Variants in FAM171A1 observed in about 807,000 individuals in gnomAD.
FAM171A1 encodes family with sequence similarity 171 member A1.
In FAM171A1, 23 loss-of-function variants were observed where a neutral mutation model predicts 74.9. The observed-to-expected ratio is 0.31, with a 90% CI of 0.22 to 0.44. The LOEUF is 0.44. Ranked by LOEUF, FAM171A1 falls within the 20% of genes least tolerant of loss-of-function variation. The probability of loss-of-function intolerance (pLI) is 1.00; values close to 1 mark genes in which losing one functional copy is unlikely to be tolerated. For missense variants in FAM171A1, 1,162 were observed against 1,159.2 expected (o/e 1.00, Z -0.03); for synonymous variants, 527 against 505.7 (o/e 1.04, Z -0.57).
chr10:15,274,670 A>C (rs891347180), intron 3 of FAM171A1, among the ~76,000 whole-genome samples: 2 of 152,216 alleles, frequency 1.3e-5, no homozygotes, highest in Non-Finnish European at 1.5e-5. Context: ...ACAGCATGGT[A>C]CTGGTACCAA....
chr10:15,216,025 A>C lies in FAM171A1; in HGVS notation c.957T>G (p.Val319=). The change falls in exon 7 of 8, where the codon GTT becomes GTG. Residue 319 remains valine, a synonymous_variant. Transcript: ENST00000378116. ...ILGGMAFILL[V]LLCLLLYYCR... ...AATAATATAAAAGGAGACACAGCAA[A>C]ACCAAAAGTATGAAAGCCATTCCTC... is the stretch of plus-strand genomic sequence containing the variant. 1 of 1,609,794 alleles carries C rather than the reference A, an allele frequency of 6.2e-7. No individual in the cohort carries two copies.
At chr10:15,358,306 T>C (rs1835956357) in intron 1 of FAM171A1, among the ~76,000 whole-genome samples, 2 of 152,200 alleles carry the variant, frequency 1.3e-5, no homozygotes, top group African/African-American at 4.8e-5. Context: ...AGAAAAATAT[T>C]AAACTTTTAC....
intron 2 of FAM171A1, among the ~76,000 whole-genome samples, chr10:15,277,937 G>A (rs1239132728): frequency 6.6e-6 from 1 of 152,114 alleles, no homozygotes; most frequent in Non-Finnish European, 1.5e-5. Context: ...TGTATTTTTA[G>A]TAGTGATGGG....
At chr10:15,305,162 C>T (rs1050762402) in intron 1 of FAM171A1, among the ~76,000 whole-genome samples, 1 of 152,168 alleles carries the variant, frequency 6.6e-6, no homozygotes, top group African/African-American at 2.4e-5. Flanking sequence ...GAAGATACGC[C>T]ATGAACAAGG....
chr10:15,328,602 G>A (rs151244519), intron 1 of FAM171A1, among the ~76,000 whole-genome samples: 39 of 152,304 alleles, frequency 2.6e-4, no homozygotes, highest in African/African-American at 8.7e-4. Context: ...GCTCAAGCTC[G>A]GGTTTTCCTG....
At chr10:15,337,214 T>C (rs56289472) in intron 1 of FAM171A1, among the ~76,000 whole-genome samples, 3,536 of 152,226 alleles carry the variant, frequency 0.023, 57 homozygotes, top group Non-Finnish European at 0.035. Flanking sequence ...TTCAGGTCTG[T>C]GTTTCAAAGA....
chr10:15,335,981 C>T (rs529307775), intron 1 of FAM171A1, among the ~76,000 whole-genome samples: 1 of 152,104 alleles, frequency 6.6e-6, no homozygotes, highest in Admixed American at 6.5e-5. Context: ...TTCTTTTAAT[C>T]CCTGCAAGTG....
At chr10:15,338,999 G>A (rs796191237) in intron 1 of FAM171A1, among the ~76,000 whole-genome samples, 9 of 152,246 alleles carry the variant, frequency 5.9e-5, no homozygotes, top group Admixed American at 1.3e-4. Flanking sequence ...TTGGCCTCCC[G>A]AAGTGTTGGG....
In FAM171A1 at chr10:15,340,030, C is replaced by T. The variant is rs145998723; in HGVS notation, c.97+30926G>A. Reference sequence around the variant, plus strand: ...ATCATTCAATTATCTCCCACTGGGTCCCTCCCACAACATGTGGGAATTATG... The same window carrying T: ...ATCATTCAATTATCTCCCACTGGGTTCCTCCCACAACATGTGGGAATTATG... On this transcript the variant is annotated intron_variant, in intron 1 of 7. Coordinates refer to ENST00000378116, the MANE Select transcript of FAM171A1 (RefSeq NM_001010924.2). 3.9e-5 allele frequency among the ~76,000 whole-genome samples: 6 copies of T among 152,274 alleles called. No individual in the cohort carries two copies. The East Asian group carries it at 7.7e-4, about 20-fold the overall frequency.
In FAM171A1 at chr10:15,271,685, C is replaced by T. The variant is rs138918651; in HGVS notation, c.418+4170G>A. ...CCCATCAGACTAACAGCAGGTCTCT[C>T]GGCAGAAACTTTACAAGCCAGAAGA... On this transcript the variant is annotated intron_variant, in intron 3 of 7. Coordinates refer to ENST00000378116, the MANE Select transcript of FAM171A1 (RefSeq NM_001010924.2). Among the ~76,000 whole-genome samples the T allele has an allele frequency of 4.2e-3, 632 of 152,212 alleles. 30 individuals carry two copies. The East Asian group carries it at 0.11, about 26-fold the overall frequency.
At position 15,214,385 on chromosome 10, in the gene FAM171A1, C is replaced by A; in HGVS notation, c.1203G>T (p.Met401Ile). 1 of 1,613,692 alleles carries A rather than the reference C, an allele frequency of 6.2e-7. No homozygotes were observed. Among genetic ancestry groups the A allele is most frequent in the Non-Finnish European group, 8.5e-7 (1 of 1,179,772 alleles). ...GGTCCCCTTCGCCGCCCGGAGACAT[C>A]ATTTCCAAATGGACTCCACTCATCA... ...KELMSGVHLEMMSPGGEGDLH... is the reference protein window; with the variant it reads ...KELMSGVHLEIMSPGGEGDLH... Residue 401 changes from methionine (M) to isoleucine (I), a missense_variant, in exon 8 of 8, where the codon ATG (methionine) becomes ATT (isoleucine). Met to Ile is a conservative substitution (Grantham distance 10). Transcript: ENST00000378116.
At chr10:15,265,495 G>C (rs1183988006) in intron 3 of FAM171A1, among the ~76,000 whole-genome samples, 1 of 136,952 alleles carries the variant, frequency 7.3e-6, no homozygotes, top group Non-Finnish European at 1.5e-5. Context: ...CATGCCTATA[G>C]TCCCAACTAC....
chr10:15,295,791 C>T (rs780471859), intron 1 of FAM171A1, among the ~76,000 whole-genome samples: 3 of 152,244 alleles, frequency 2.0e-5, no homozygotes, highest in Non-Finnish European at 2.9e-5. Flanking sequence ...CCCAGCACTC[C>T]TGTGGCTGCC....
At chr10:15,345,924 C>T (rs1048224707) in intron 1 of FAM171A1, among the ~76,000 whole-genome samples, 2 of 152,086 alleles carry the variant, frequency 1.3e-5, no homozygotes, top group Non-Finnish European at 2.9e-5. Flanking sequence ...CAGAAATGTC[C>T]GCTGGATCTG....
chr10:15,351,449 T>G (rs1344957753), intron 1 of FAM171A1, among the ~76,000 whole-genome samples: 1 of 152,130 alleles, frequency 6.6e-6, no homozygotes, highest in African/African-American at 2.4e-5. Flanking sequence ...CCTGAATACC[T>G]CTCAGGATGA....
intron 1 of FAM171A1, among the ~76,000 whole-genome samples, chr10:15,370,613 C>A (rs536070427): frequency 2.2e-3 from 328 of 152,070 alleles, no homozygotes; most frequent in Non-Finnish European, 3.6e-3. Context: ...ACATGGGAGA[C>A]AGAGCCGCGT....
rs751306255 is a variant in FAM171A1, at chr10:15,214,132, T to C, written c.1456A>G (p.Arg486Gly). ...GAGAGCACGGTGTTGTAACTACCCC[T>C]GTAGTCATCATTGCCCGAGGACTCG... ...GYESSGNDDY[R>G]GSYNTVLSQP... is the part of the protein sequence containing the mutation. The change falls in exon 8 of 8, where the codon AGG becomes GGG. Residue 486 changes from arginine (R) to glycine (G), a missense_variant. Coordinates refer to ENST00000378116, the MANE Select transcript of FAM171A1 (RefSeq NM_001010924.2). 2.5e-6 allele frequency: 4 copies of C among 1,614,200 alleles called. No individual in the cohort carries two copies. The highest frequency in any genetic ancestry group is 1.1e-5 in the South Asian group (1 of 91,082).
intron 3 of FAM171A1, among the ~76,000 whole-genome samples, chr10:15,263,725 ATCTATCTATCTGTCTG>A (rs1564626581): frequency 8.2e-6 from 1 of 122,152 alleles, no homozygotes; most frequent in Non-Finnish European, 1.8e-5. Flanking sequence ...CTATCAATCT[ATCTATCTATCTGTCTG>A]TCTATCTATC....
At chr10:15,264,369 T>G (rs528869166) in intron 3 of FAM171A1, among the ~76,000 whole-genome samples, 3 of 152,254 alleles carry the variant, frequency 2.0e-5, no homozygotes, top group African/African-American at 7.2e-5. Context: ...TGGCCGGGCA[T>G]AGTGGCTTGC....
Sources: gnomAD v4.1 joint callset for allele counts (sites outside exome capture counted in the v4.1 genomes callset) on GRCh38, gnomAD v4.1.1 for gene constraint, MANE v1.5 for transcripts, NCBI Gene and HGNC (gene_info 2026-07-23, HGNC 2026-07-21) for gene names.